Variants in SARDH observed in about 807,000 individuals in gnomAD.
SARDH encodes the protein sarcosine dehydrogenase, mitochondrial.
SARDH carries 95 observed loss-of-function variants against 109.1 expected under a neutral mutation model. The observed-to-expected ratio is 0.87, with a 90% CI of 0.74 to 1.03. SARDH has a LOEUF of 1.03. Ranked by LOEUF, SARDH falls within the 50% of genes least tolerant of loss-of-function variation. The probability of loss-of-function intolerance (pLI) is 0.00; values close to 1 mark genes in which losing one functional copy is unlikely to be tolerated. For synonymous variants in SARDH, 572 were observed against 534.8 expected (o/e 1.07, Z -0.96); for missense variants, 1,267 against 1,287.8 (o/e 0.98, Z 0.25).
In SARDH at chr9:133,671,021, C is replaced by A. The variant is rs548402520; in HGVS notation, c.2327-269G>T. 9.9e-5 allele frequency among the ~76,000 whole-genome samples: 15 copies of A among 152,270 alleles called. No individual in the cohort carries two copies. The East Asian group carries it at 2.9e-3, about 29-fold the overall frequency. On this transcript the variant is annotated intron_variant, in intron 18 of 20. Coordinates refer to ENST00000439388, the MANE Select transcript of SARDH (RefSeq NM_001134707.2). ...GGAGGGGCTTGTGAAGGGGGAGCTT[C>A]CCAATGCCCAAGCTGGGTGCCCAAC...
intron 6 of SARDH, among the ~76,000 whole-genome samples, chr9:133,722,313 T>TC (rs1832352055): frequency 2.1e-5 from 1 of 47,842 alleles, no homozygotes; most frequent in Admixed American, 3.0e-4. Flanking sequence ...GATTTTTTTT[T>TC]TTAAAGCCTC....
At chr9:133,697,812 A>G (rs553496820) in intron 13 of SARDH, among the ~76,000 whole-genome samples, 6 of 152,258 alleles carry the variant, frequency 3.9e-5, no homozygotes, top group African/African-American at 1.2e-4. Context: ...CAAACATTAT[A>G]CTTCATGATG....
chr9:133,674,321 G>T (rs972471192), intron 17 of SARDH, among the ~76,000 whole-genome samples: 7 of 152,228 alleles, frequency 4.6e-5, no homozygotes, highest in Non-Finnish European at 8.8e-5. Context: ...TGACCCATCG[G>T]CCAGGGTTGG....
Position 133,690,426 on chromosome 9 carries a change from C to T in SARDH, c.2023G>A (p.Asp675Asn), listed in dbSNP as rs747163989. 6.8e-6 allele frequency: 11 copies of T among 1,613,172 alleles called. No homozygotes were observed. The highest frequency in any genetic ancestry group is 2.2e-5 in the South Asian group (2 of 91,078). The change falls in exon 16 of 21, where the codon GAC (aspartate) becomes AAC (asparagine). Residue 675 changes from aspartate (D) to asparagine (N), a missense_variant. Asp to Asn is a conservative substitution (Grantham distance 23, BLOSUM62 1). Coordinates refer to ENST00000439388, the MANE Select transcript of SARDH (RefSeq NM_001134707.2). ...ATCATACCCAGGTCCTCGGAGCTGT[C>T]GATGAGCTGGCACTGGGACTTCTGG... is the stretch of plus-strand genomic sequence containing the variant. ...QDQKSQCQLI[D>N]SSEDLGMISI...
chr9:133,659,466 G>A (rs1832382832), downstream of SARDH: 1 of 152,340 alleles, frequency 6.6e-6, no homozygotes, highest in Non-Finnish European at 1.5e-5. Flanking sequence ...CAGCTGGCCT[G>A]GGTGGGTCTC....
At chr9:133,684,325 G>T (rs1435748888) in intron 17 of SARDH, among the ~76,000 whole-genome samples, 1 of 152,238 alleles carries the variant, frequency 6.6e-6, no homozygotes, top group Non-Finnish European at 1.5e-5. Context: ...TAGTGCTGAG[G>T]TTGGGAGACC....
intron 6 of SARDH, 60 bp from the exon 7 acceptor site, chr9:133,719,102 C>G: frequency 6.8e-7 from 1 of 1,461,368 alleles, no homozygotes; most frequent in Non-Finnish European, 9.6e-7. Flanking sequence ...CTTGGTTCCC[C>G]ATGCCCCGTG....
chr9:133,697,036 A>G (rs1221218819), intron 13 of SARDH, among the ~76,000 whole-genome samples: 1 of 152,216 alleles, frequency 6.6e-6, no homozygotes, highest in Non-Finnish European at 1.5e-5. Flanking sequence ...GAAAAGATCA[A>G]CAAAATGGAC....
intron 16 of SARDH, among the ~76,000 whole-genome samples, chr9:133,687,803 G>A (rs1468653918): frequency 2.0e-5 from 3 of 152,194 alleles, no homozygotes; most frequent in Non-Finnish European, 2.9e-5. Flanking sequence ...TAACAATTCC[G>A]AAAGTGCAGC....
chr9:133,713,266 C>T (rs750608391), intron 8 of SARDH, 142 bp from the exon 9 acceptor site: 13 of 667,638 alleles, frequency 1.9e-5, no homozygotes, highest in Admixed American at 2.7e-5. Flanking sequence ...CCCTGCTCAG[C>T]GCCACTTCCT....
At chr9:133,736,320 A>G (rs895754709) in intron 1 of SARDH, among the ~76,000 whole-genome samples, 1 of 152,228 alleles carries the variant, frequency 6.6e-6, no homozygotes, top group Non-Finnish European at 1.5e-5. Flanking sequence ...TTCTTTTGCA[A>G]TAAATTGCTC....
intron 6 of SARDH, among the ~76,000 whole-genome samples, chr9:133,722,495 T>G (rs1832357459): frequency 6.6e-6 from 1 of 152,118 alleles, no homozygotes; most frequent in Admixed American, 6.5e-5. Context: ...AACATTACAT[T>G]GGAGGTTTTA....
rs1832560138 is a variant in SARDH, at chr9:133,728,235, C to T, written c.915+1530G>A. 6.6e-6 allele frequency among the ~76,000 whole-genome samples: 1 copy of T among 152,166 alleles called. No individual in the cohort carries two copies. The highest frequency in any genetic ancestry group is 2.4e-5 in the African/African-American group (1 of 41,428). On this transcript the variant is annotated intron_variant, in intron 6 of 20. Coordinates refer to ENST00000439388, the MANE Select transcript of SARDH (RefSeq NM_001134707.2). The surrounding 1 kb of genome is among the most constrained non-coding windows in gnomAD (Gnocchi z 5.0). ...GTCAGAGGCAGCAGCGCACTGGGACCCAGGTTCCGGCCCCATTTCGCCACC... is the reference window on the plus strand; with the variant it reads ...GTCAGAGGCAGCAGCGCACTGGGACTCAGGTTCCGGCCCCATTTCGCCACC...
At chr9:133,667,004 C>T in intron 19 of SARDH, 134 bp from the exon 20 acceptor site, 1 of 1,248,012 alleles carries the variant, frequency 8.0e-7, no homozygotes, top group South Asian at 1.3e-5. Context: ...GGCTGGCCTA[C>T]TAGGACTACG....
intron 15 of SARDH, 87 bp from the exon 16 acceptor site, chr9:133,690,614 A>G: frequency 6.8e-7 from 1 of 1,473,460 alleles, no homozygotes; most frequent in South Asian, 1.2e-5. Flanking sequence ...CTCCCGGCTG[A>G]GAAAACAAAT....
rs1831736178 is a variant in SARDH at position 133,707,546 on chromosome 9, T to C, written c.1470+741A>G. ...GGAATCTCAGGTGAGGGAGGCCCCT[T>C]CTTCAGTTTAAACGCCACCTGCTCC... On this transcript the variant is annotated intron_variant, in intron 11 of 20. Coordinates refer to ENST00000439388, the MANE Select transcript of SARDH (RefSeq NM_001134707.2). Among the ~76,000 whole-genome samples the C allele has an allele frequency of 2.0e-5, 3 of 152,186 alleles. No individual in the cohort carries two copies. In the South Asian group the frequency reaches 6.2e-4, roughly 32 times the overall value.
In SARDH at chr9:133,663,994, C is replaced by T; in HGVS notation, c.2652G>A (p.Lys884=). 6.2e-7 allele frequency: 1 copy of T among 1,614,172 alleles called. No homozygotes were observed. The highest frequency in any genetic ancestry group is 8.5e-7 in the Non-Finnish European group (1 of 1,180,010). The change falls in exon 21 of 21, where the codon AAG becomes AAA. Residue 884 remains lysine (K), a synonymous_variant. Coordinates refer to ENST00000439388, the MANE Select transcript of SARDH (RefSeq NM_001134707.2). ...TTCTCTCCAGGGCATAGTCCCCGCT[C>T]TTCACAAAGTCCAGCGAGACCTAGG... ...SGGPVSLDFV[K]SGDYALERMG...
At chr9:133,683,795 C>T (rs963582703) in intron 17 of SARDH, among the ~76,000 whole-genome samples, 15 of 152,218 alleles carry the variant, frequency 9.9e-5, no homozygotes, top group Admixed American at 6.5e-4. Context: ...GCCAGGACCT[C>T]GCTCCTCCCC....
At chr9:133,735,453 GGA>G (rs1832851571) in intron 1 of SARDH, among the ~76,000 whole-genome samples, 1 of 152,226 alleles carries the variant, frequency 6.6e-6, no homozygotes, top group Non-Finnish European at 1.5e-5. Flanking sequence ...CTCCTTCTCA[GGA>G]GAGAAGGCGC....
Sources: allele counts gnomAD v4.1 joint callset (sites outside exome capture counted in the v4.1 genomes callset), GRCh38; gene constraint gnomAD v4.1.1; non-coding constraint Gnocchi (gnomAD v3.1); transcripts MANE v1.5; gene names NCBI Gene and HGNC (gene_info 2026-07-23, HGNC 2026-07-21).